UGGT2: variants seen among roughly 807,000 people sequenced by gnomAD.
UGGT2 encodes UDP-glucose glycoprotein glucosyltransferase 2, also known as UDP-glucose:glycoprotein glucosyltransferase 2.
A neutral mutation model predicts 192.1 loss-of-function variants in UGGT2; 180 were observed. The ratio of observed to expected loss-of-function variants is 0.94; its 90% CI spans 0.83 to 1.06. The LOEUF is 1.06. Ranked by LOEUF, UGGT2 falls within the 50% of genes least tolerant of loss-of-function variation. The probability of loss-of-function intolerance (pLI) is 0.00; values close to 1 mark genes in which losing one functional copy is unlikely to be tolerated. For synonymous variants in UGGT2, 580 were observed against 591.0 expected (o/e 0.98, Z 0.27); for missense variants, 1,849 against 1,795.7 (o/e 1.03, Z -0.54).
intron 1 of UGGT2, among the ~76,000 whole-genome samples, chr13:96,033,244 T>C (rs1270932085): frequency 6.6e-6 from 1 of 152,228 alleles, no homozygotes; most frequent in African/African-American, 2.4e-5. Context: ...ATGCTATTCC[T>C]AGTAAACTGA....
At chr13:95,930,763 TAC>T (rs919316642) in intron 17 of UGGT2, among the ~76,000 whole-genome samples, 2 of 152,158 alleles carry the variant, frequency 1.3e-5, no homozygotes, top group African/African-American at 4.8e-5. Flanking sequence ...CGGTGAGTGT[TAC>T]AGTTCTTAAA....
intron 26 of UGGT2, among the ~76,000 whole-genome samples, chr13:95,885,659 G>A (rs762786480): frequency 2.7e-4 from 41 of 152,184 alleles, no homozygotes; most frequent in Non-Finnish European, 1.2e-4. Flanking sequence ...GGTGATCACT[G>A]GGAGCCATGT....
intron 38 of UGGT2, among the ~76,000 whole-genome samples, chr13:95,809,128 C>A (rs1884459507): frequency 6.6e-6 from 1 of 152,146 alleles, no homozygotes; most frequent in African/African-American, 2.4e-5. Context: ...AATGATTTAG[C>A]TCTTTTTAAA....
Position 96,016,975 on chromosome 13 carries a change from T to C in UGGT2, c.486-3494A>G, listed in dbSNP as rs185038322. On this transcript the variant is annotated intron_variant, in intron 4 of 38. Coordinates refer to ENST00000376747, the MANE Select transcript of UGGT2 (RefSeq NM_020121.4). ...AGGATGTACATCACGATGTGGGACA[T>C]GGAGTCAAGGATTACATGACAGCTT... Among the ~76,000 whole-genome samples, 10 of 152,304 alleles carry C rather than the reference T, an allele frequency of 6.6e-5. No homozygotes were observed. The East Asian group carries it at 9.7e-4, about 15-fold the overall frequency.
intron 1 of UGGT2, among the ~76,000 whole-genome samples, chr13:96,049,562 T>C (rs989424046): frequency 6.6e-6 from 1 of 152,296 alleles, no homozygotes; most frequent in Non-Finnish European, 1.5e-5. Context: ...GATGATATGA[T>C]TGTATATTTA....
chr13:95,949,225 T>C, intron 13 of UGGT2, 110 bp downstream of exon 13: 1 of 1,116,468 alleles, frequency 9.0e-7, no homozygotes, highest in Non-Finnish European at 1.2e-6. Flanking sequence ...TTCAGGCAAA[T>C]ACTTAACTTC....
At position 95,815,715 on chromosome 13, in the gene UGGT2, A is replaced by T. The variant is rs78077664; in HGVS notation, c.4529-13903T>A. On this transcript the variant is annotated intron_variant, in intron 38 of 38. Coordinates refer to ENST00000376747, the MANE Select transcript of UGGT2 (RefSeq NM_020121.4). ...AAATTCAAAATCCAAAACTTAAAAA[A>T]GAGCAAAAATCTTGAATAGGCACTT... Among the ~76,000 whole-genome samples the T allele has an allele frequency of 1.1e-3, 161 of 152,272 alleles. 1 individual carries two copies. Among genetic ancestry groups the T allele is most frequent in the Admixed American group, 4.1e-3 (62 of 15,306 alleles).
chr13:95,980,853 C>G (rs1416218058), intron 10 of UGGT2, among the ~76,000 whole-genome samples: 2 of 151,968 alleles, frequency 1.3e-5, no homozygotes, highest in Non-Finnish European at 2.9e-5. Context: ...AAAAATTAGC[C>G]GGGTGTGGTG....
chr13:95,835,516 C>T lies in UGGT2; in HGVS notation c.4401+1570G>A, dbSNP rs139246830. On this transcript the variant is annotated intron_variant, in intron 37 of 38. Transcript: ENST00000376747. ...AAAAATGCCTTTTTATTTGTTTCTG[C>T]TATATTCTACCAACTATGATTACAT... 6.1e-4 allele frequency among the ~76,000 whole-genome samples: 93 copies of T among 152,278 alleles called. 1 individual carries two copies. The East Asian group carries it at 0.018, about 29-fold the overall frequency.
At chr13:96,009,681 G>T (rs937601611) in intron 5 of UGGT2, among the ~76,000 whole-genome samples, 4 of 152,120 alleles carry the variant, frequency 2.6e-5, no homozygotes, top group African/African-American at 9.7e-5. Flanking sequence ...GTTGGTGGAT[G>T]CCTGTAATCC....
chr13:95,960,216 CAAT>C (rs943546386), intron 12 of UGGT2, among the ~76,000 whole-genome samples: 10 of 152,298 alleles, frequency 6.6e-5, no homozygotes, highest in Admixed American at 4.6e-4. Flanking sequence ...CAAAGGAACA[CAAT>C]AATTCTCCAG....
chr13:95,859,536 C>A, intron 33 of UGGT2, 55 bp downstream of exon 33: 1 of 1,327,596 alleles, frequency 7.5e-7, no homozygotes, highest in East Asian at 2.4e-5. Flanking sequence ...TACAATGATA[C>A]AAATAATTTA....
intron 5 of UGGT2, 117 bp downstream of exon 5, chr13:96,013,189 TA>T (rs2052218821): frequency 8.8e-6 from 9 of 1,020,536 alleles, no homozygotes; most frequent in Non-Finnish European, 1.2e-5. Flanking sequence ...TTTGTTAAGT[TA>T]AAAAAAGTTA....
intron 34 of UGGT2, among the ~76,000 whole-genome samples, chr13:95,855,775 G>C (rs1344024713): frequency 6.6e-6 from 1 of 152,166 alleles, no homozygotes; most frequent in Admixed American, 6.5e-5. Flanking sequence ...AAGAATGAGA[G>C]TTGTATGTAA....
chr13:95,927,063 A>G lies in UGGT2; in HGVS notation c.2165T>C (p.Val722Ala), dbSNP rs773964145. Residue 722 changes from valine to alanine, a missense_variant, in exon 19 of 39, where the codon GTA becomes GCA. Coordinates refer to ENST00000376747, the MANE Select transcript of UGGT2 (RefSeq NM_020121.4). ...TAAATAATACATGTTCTTTGCAATT[A>G]CAGCACTCTTATCTTGTGAATCCAA... ...FFLDSQDKSA[V>A]IAKNMYYLTQ... 6.2e-7 allele frequency: 1 copy of G among 1,610,878 alleles called. No individual in the cohort carries two copies. The highest frequency in any genetic ancestry group is 8.5e-7 in the Non-Finnish European group (1 of 1,179,120).
chr13:95,825,550 C>A (rs905456213), intron 38 of UGGT2, among the ~76,000 whole-genome samples: 1 of 152,144 alleles, frequency 6.6e-6, no homozygotes, highest in African/African-American at 2.4e-5. Context: ...CTTGTGCAAG[C>A]CTGAACCTGG....
At chr13:95,870,990 C>T (rs752856023) in intron 29 of UGGT2, among the ~76,000 whole-genome samples, 3 of 152,204 alleles carry the variant, frequency 2.0e-5, no homozygotes, top group Non-Finnish European at 4.4e-5. Context: ...CTCAATCTTT[C>T]CAACCTTCCA....
chr13:95,948,016 A>C lies in UGGT2; in HGVS notation c.1521T>G (p.Tyr507Ter). The C allele has an allele frequency of 6.2e-7, 1 of 1,613,042 alleles. No individual in the cohort carries two copies. The highest frequency in any genetic ancestry group is 8.5e-7 in the Non-Finnish European group (1 of 1,179,482). The change falls in exon 14 of 39, where the codon TAT (tyrosine) becomes TAG (stop). Residue 507 changes from tyrosine to a stop codon, truncating the protein, a stop_gained. Transcript: ENST00000376747. LOFTEE classifies it high-confidence loss of function. Reference sequence around the variant, plus strand: ...ATTACCTAAGAGGAACTTCGTGAGAATAGAAAACATCAGCAAGTTTTATAA... The same window carrying C: ...ATTACCTAAGAGGAACTTCGTGAGACTAGAAAACATCAGCAAGTTTTATAA... ...LDFIKLADVF[Y>*]SHEVPLRIGF...
chr13:95,911,128 G>C (rs1347597684), intron 20 of UGGT2, among the ~76,000 whole-genome samples: 1 of 152,158 alleles, frequency 6.6e-6, no homozygotes, highest in Admixed American at 6.5e-5. Flanking sequence ...GCCTATAAGA[G>C]AAAGCAGGAA....
Sources: gnomAD v4.1 joint callset for allele counts (sites outside exome capture counted in the v4.1 genomes callset) on GRCh38, gnomAD v4.1.1 for gene constraint, MANE v1.5 for transcripts, NCBI Gene and HGNC (gene_info 2026-07-23, HGNC 2026-07-21) for gene names.